The following TMPRSS3 variants were observed in gnomAD, a reference collection of about 807,000 sequenced individuals.
The protein encoded by TMPRSS3 is transmembrane protease serine 3.
TMPRSS3 carries 55 observed loss-of-function variants against 59.6 expected under a neutral mutation model. The ratio of observed to expected loss-of-function variants is 0.92; its 90% CI spans 0.74 to 1.16. The LOEUF (loss-of-function observed/expected upper bound fraction) is 1.16, where lower values mean the gene tolerates loss of function less well. TMPRSS3 is among the 50% of genes most tolerant of loss of function. The pLI is 0.00. For synonymous variants in TMPRSS3, 257 were observed against 237.7 expected, an observed-to-expected ratio of 1.08 and a Z score of -0.75; for missense variants, 596 against 579.4, an observed-to-expected ratio of 1.03 and a Z score of -0.29.
chr21:42,383,577 C>A, intron 7 of TMPRSS3: 1 of 506,672 alleles, frequency 2.0e-6, no homozygotes, highest in Non-Finnish European at 3.6e-6. Context: ...TCCCTGACTG[C>A]TCCAGACCCC....
intron 7 of TMPRSS3, 179 bp downstream of exon 7, chr21:42,383,791 C>T (rs937717301): frequency 2.4e-5 from 18 of 740,922 alleles, no homozygotes; most frequent in African/African-American, 1.0e-4. Flanking sequence ...CAGGTGAGGC[C>T]GACAGGTGAG....
chr21:42,390,285 C>A (rs958716883), intron 2 of TMPRSS3: 3 of 501,148 alleles, frequency 6.0e-6, no homozygotes, highest in Non-Finnish European at 1.1e-5. Flanking sequence ...TGAATAGTAT[C>A]CCCCAGAAAG....
At chr21:42,378,530 A>G (rs1601518192) in intron 10 of TMPRSS3, among the ~76,000 whole-genome samples, 1 of 151,918 alleles carries the variant, frequency 6.6e-6, no homozygotes, top group African/African-American at 2.4e-5. Flanking sequence ...TTTGAGATAC[A>G]GAGACACAGG....
chr21:42,383,694 A>C, intron 7 of TMPRSS3: 1 of 658,870 alleles, frequency 1.5e-6, no homozygotes. Flanking sequence ...TGAGTCAGGG[A>C]CTCAAGGCTC....
chr21:42,384,382 C>T (rs2052589807), intron 6 of TMPRSS3, among the ~76,000 whole-genome samples: 1 of 152,134 alleles, frequency 6.6e-6, no homozygotes, highest in Non-Finnish European at 1.5e-5. Context: ...CACAAGAGTG[C>T]CCAAGGGACA....
At chr21:42,390,102 C>T in intron 2 of TMPRSS3, 65 bp from the exon 3 acceptor site, 3 of 1,192,564 alleles carry the variant, frequency 2.5e-6, no homozygotes, top group South Asian at 1.2e-5. Flanking sequence ...ATGAAACTTA[C>T]AAATTTAACT....
At chr21:42,375,025 T>C (rs906982486) in intron 12 of TMPRSS3, among the ~76,000 whole-genome samples, 3 of 151,840 alleles carry the variant, frequency 2.0e-5, no homozygotes, top group African/African-American at 4.8e-5. Flanking sequence ...CCAGCAAATG[T>C]TTCCCCGGCG....
At chr21:42,389,612 T>C (rs1318439281) in intron 3 of TMPRSS3, among the ~76,000 whole-genome samples, 1 of 152,240 alleles carries the variant, frequency 6.6e-6, no homozygotes, top group Admixed American at 6.5e-5. Flanking sequence ...CTCTTTGTCT[T>C]CTCCCCGCTG....
intron 5 of TMPRSS3, 99 bp from the exon 6 acceptor site, chr21:42,385,633 G>A (rs2052623030): frequency 1.3e-6 from 2 of 1,494,206 alleles, no homozygotes; most frequent in South Asian, 1.1e-5. Flanking sequence ...TTGTACATGG[G>A]GGATGTCATT....
At chr21:42,378,716 T>G (rs965527174) in intron 10 of TMPRSS3, among the ~76,000 whole-genome samples, 1 of 152,102 alleles carries the variant, frequency 6.6e-6, no homozygotes, top group South Asian at 2.1e-4. Context: ...ACTTTTTTTT[T>G]GTTTTGTTTT....
chr21:42,384,501 C>G (rs535248130), intron 6 of TMPRSS3, among the ~76,000 whole-genome samples: 53 of 152,326 alleles, frequency 3.5e-4, no homozygotes, highest in Non-Finnish European at 5.9e-4. Context: ...CACTCCTACC[C>G]CCACCCCCAC....
chr21:42,378,739 G>A (rs978679926), intron 10 of TMPRSS3, among the ~76,000 whole-genome samples: 3 of 151,916 alleles, frequency 2.0e-5, no homozygotes, highest in Admixed American at 6.6e-5. Flanking sequence ...TTTTTTAAAC[G>A]CAAAGTCTCA....
chr21:42,377,771 C>G (rs1568878714), intron 10 of TMPRSS3, among the ~76,000 whole-genome samples: 1 of 152,202 alleles, frequency 6.6e-6, no homozygotes, highest in Non-Finnish European at 1.5e-5. Flanking sequence ...TATCACAAGA[C>G]ACTCAGCTTC....
At position 42,375,852 on chromosome 21, in the gene TMPRSS3, G is replaced by A. The variant is rs28939084; in HGVS notation, c.1208C>T (p.Pro403Leu). Residue 403 changes from proline (P) to leucine (L), a missense_variant, in exon 12 of 13, where the codon CCC (proline) becomes CTC (leucine). Physicochemically the swap from Pro to Leu is moderately conservative, Grantham distance 98. Transcript: ENST00000644384. Reference sequence around the variant, plus strand: ...CAGCCTCCTCTCTTGACACACCAGGGGCCCCCCGCTGTCCCCCTGGGTGAC... The same window carrying A: ...CAGCCTCCTCTCTTGACACACCAGGAGCCCCCCGCTGTCCCCCTGGGTGAC... ...VDSCQGDSGG[P>L]LVCQERRLWK... 8 of 1,613,322 alleles carry A rather than the reference G, an allele frequency of 5.0e-6. No homozygotes were observed. Among genetic ancestry groups the A allele is most frequent in the Non-Finnish European group, 5.9e-6 (7 of 1,179,928 alleles).
At position 42,381,444 on chromosome 21, in the gene TMPRSS3, C is replaced by T. The variant is rs552491616; in HGVS notation, c.952+621G>A. 2.0e-5 allele frequency among the ~76,000 whole-genome samples: 3 copies of T among 152,302 alleles called. No homozygotes were observed. The South Asian group carries it at 6.2e-4, about 32-fold the overall frequency. On this transcript the variant is annotated intron_variant, in intron 9 of 12. Transcript: ENST00000644384. Reference sequence around the variant, plus strand: ...GTTCTGTTTCTCAACCAAGATGGCCCCTCTACCTGGAGAAACCAGGCAGGT... The same window carrying T: ...GTTCTGTTTCTCAACCAAGATGGCCTCTCTACCTGGAGAAACCAGGCAGGT...
rs139934512 is a variant in TMPRSS3, at chr21:42,389,020, G to A, written c.231C>T (p.Tyr77=). The A allele has an allele frequency of 2.3e-4, 374 of 1,614,188 alleles. 3 individuals are homozygous for A. In the African/African-American group the frequency reaches 4.6e-3, roughly 20 times the overall value. ...LGIHFDCSGK[Y]RCRSSFKCIE... ...TACACTTAAAGGATGAGCGACATCTGTACTTCCCTGAGCAGTCGAAGTGGA... is the reference window on the plus strand; with the variant it reads ...TACACTTAAAGGATGAGCGACATCTATACTTCCCTGAGCAGTCGAAGTGGA... Residue 77 remains tyrosine (Y), a synonymous_variant, in exon 4 of 13, where the codon TAC becomes TAT. Coordinates refer to ENST00000644384, the MANE Select transcript of TMPRSS3 (RefSeq NM_001256317.3).
At chr21:42,378,796 C>A (rs1384178116) in intron 10 of TMPRSS3, among the ~76,000 whole-genome samples, 1 of 152,198 alleles carries the variant, frequency 6.6e-6, no homozygotes, top group Non-Finnish European at 1.5e-5. Context: ...CGGCTCACTG[C>A]AGCTTAGAAT....
intron 10 of TMPRSS3, among the ~76,000 whole-genome samples, chr21:42,379,696 T>G (rs370335273): frequency 6.6e-6 from 1 of 152,088 alleles, no homozygotes; most frequent in Non-Finnish European, 1.5e-5. Context: ...CTGCTTCCAC[T>G]TGCTCTTTGT....
chr21:42,374,830 T>C lies in TMPRSS3; in HGVS notation c.1344+886A>G, dbSNP rs571869677. ...CGACTTTAAGCAAAATGATATATAA[T>C]GAAACCAATTTTTTTTTTCTCATCG... On this transcript the variant is annotated intron_variant, in intron 12 of 12. Transcript: ENST00000644384. 3.3e-4 allele frequency among the ~76,000 whole-genome samples: 49 copies of C among 149,906 alleles called. No homozygotes were observed. The East Asian group carries it at 9.1e-3, about 28-fold the overall frequency.
Sources: gnomAD v4.1 joint callset for allele counts (sites outside exome capture counted in the v4.1 genomes callset) on GRCh38, gnomAD v4.1.1 for gene constraint, MANE v1.5 for transcripts, NCBI Gene and HGNC (gene_info 2026-07-23, HGNC 2026-07-21) for gene names.